Variants in PCDH11X observed in about 807,000 individuals in gnomAD.
The protein encoded by PCDH11X is protocadherin 11 X-linked.
In PCDH11X, 18 loss-of-function variants were observed where a neutral mutation model predicts 53.3. The observed-to-expected ratio is 0.34, with a 90% CI of 0.23 to 0.50. The LOEUF is 0.50. Among genes scored for constraint, PCDH11X ranks in the 20% least tolerant of loss-of-function variants. The probability of loss-of-function intolerance (pLI) is 0.98; values close to 1 mark genes in which losing one functional copy is unlikely to be tolerated. For missense variants in PCDH11X, 570 were observed against 1,032.4 expected, an observed-to-expected ratio of 0.55 and a Z score of 6.14; for synonymous variants, 279 against 393.3, an observed-to-expected ratio of 0.71 and a Z score of 3.44.
intron 6 of PCDH11X, among the ~76,000 whole-genome samples, chrX:91,972,306 T>C (rs1367646601): frequency 1.1e-5 from 1 of 94,651 alleles, no homozygotes; most frequent in Non-Finnish European, 2.1e-5. Flanking sequence ...TTTGTTTTTT[T>C]CTTGTAAATT....
chrX:92,207,219 G>A (rs1294172489), intron 7 of PCDH11X, among the ~76,000 whole-genome samples: 1 of 111,715 alleles, frequency 9.0e-6, no homozygotes, highest in South Asian at 3.7e-4. Flanking sequence ...GCAATACTTA[G>A]AGGAAGTAGA....
At chrX:91,815,970 A>C (rs36051906) in intron 4 of PCDH11X, among the ~76,000 whole-genome samples, 21,978 of 107,704 alleles carry the variant, frequency 0.2, 1,855 homozygotes, top group East Asian at 0.31. Flanking sequence ...TCTACCAAAA[A>C]TACAAAAATT....
intron 9 of PCDH11X, among the ~76,000 whole-genome samples, chrX:92,449,162 T>G (rs984689421): frequency 3.6e-5 from 4 of 112,020 alleles, no homozygotes; most frequent in African/African-American, 1.3e-4. Context: ...CTTGATGGAT[T>G]ACAATTATTA....
At chrX:91,820,833 T>G (rs1246157077) in intron 4 of PCDH11X, among the ~76,000 whole-genome samples, 2 of 101,816 alleles carry the variant, frequency 2.0e-5, no homozygotes, top group Non-Finnish European at 3.8e-5. Context: ...TTAATCCATC[T>G]TGAATTGATT....
At chrX:92,326,864 A>G (rs1724892238) in intron 8 of PCDH11X, among the ~76,000 whole-genome samples, 1 of 106,407 alleles carries the variant, frequency 9.4e-6, no homozygotes, top group Non-Finnish European at 1.9e-5. Flanking sequence ...AGAAAAATTC[A>G]CAGAAATTAT....
chrX:92,033,677 A>T (rs1254807006), intron 6 of PCDH11X, among the ~76,000 whole-genome samples: 1 of 108,700 alleles, frequency 9.2e-6, no homozygotes, highest in East Asian at 2.9e-4. Flanking sequence ...TTTGTCAATT[A>T]TGTCTTCAAA....
At chrX:92,314,573 A>T (rs2069032038) in intron 8 of PCDH11X, among the ~76,000 whole-genome samples, 1 of 111,835 alleles carries the variant, frequency 8.9e-6, no homozygotes, top group Admixed American at 9.6e-5. Context: ...CTATGCTTTT[A>T]TATGACTGGC....
chrX:92,539,720 TG>T (rs1489925208), intron 10 of PCDH11X, among the ~76,000 whole-genome samples: 1 of 111,945 alleles, frequency 8.9e-6, no homozygotes, highest in Non-Finnish European at 1.9e-5. Context: ...AATTTGAGCT[TG>T]TTTTATATCT....
chrX:92,276,813 G>T (rs1463426806), intron 8 of PCDH11X, among the ~76,000 whole-genome samples: 2 of 111,651 alleles, frequency 1.8e-5, no homozygotes, highest in Non-Finnish European at 3.8e-5. Flanking sequence ...AGGGTCTAGG[G>T]CTGTAAAGCT....
intron 7 of PCDH11X, among the ~76,000 whole-genome samples, chrX:92,218,967 G>T (rs1269851562): frequency 9.0e-6 from 1 of 111,499 alleles, no homozygotes; most frequent in Non-Finnish European, 1.9e-5. Context: ...CTCAATAGAT[G>T]CAGAAAAGGC....
At chrX:92,041,768 G>A (rs1473261885) in intron 6 of PCDH11X, among the ~76,000 whole-genome samples, 1 of 111,541 alleles carries the variant, frequency 9.0e-6, no homozygotes, top group Non-Finnish European at 1.9e-5. Context: ...TCAGGAGTTC[G>A]AGAGCAGCCT....
At chrX:92,038,881 C>T (rs1022952325) in intron 6 of PCDH11X, among the ~76,000 whole-genome samples, 2 of 109,870 alleles carry the variant, frequency 1.8e-5, no homozygotes, top group African/African-American at 6.6e-5. Context: ...TGAGACTTGC[C>T]TTTCCCCTTC....
At chrX:92,226,578 A>G (rs761892732) in intron 7 of PCDH11X, among the ~76,000 whole-genome samples, 6 of 112,023 alleles carry the variant, frequency 5.4e-5, no homozygotes, top group African/African-American at 1.6e-4. Flanking sequence ...AAGTTACAGT[A>G]AAATTAAACT....
At chrX:92,372,026 C>A (rs943143933) in intron 8 of PCDH11X, among the ~76,000 whole-genome samples, 2 of 110,434 alleles carry the variant, frequency 1.8e-5, no homozygotes, top group Non-Finnish European at 3.8e-5. Flanking sequence ...TGATTCCTAG[C>A]AACAGATAAC....
At chrX:92,069,727 G>T (rs1469426503) in intron 6 of PCDH11X, among the ~76,000 whole-genome samples, 2 of 111,246 alleles carry the variant, frequency 1.8e-5, no homozygotes, top group African/African-American at 6.5e-5. Context: ...TGTCACCCAG[G>T]CTGGAGTGCA....
chrX:92,573,980 G>T (rs1040714228), intron 10 of PCDH11X, among the ~76,000 whole-genome samples: 1 of 110,152 alleles, frequency 9.1e-6, no homozygotes, highest in African/African-American at 3.3e-5. Flanking sequence ...GGCTTTTCCC[G>T]GCAGAATTGT....
intron 6 of PCDH11X, among the ~76,000 whole-genome samples, chrX:91,969,553 C>T (rs1478875712): frequency 9.0e-6 from 1 of 110,848 alleles, no homozygotes; most frequent in Non-Finnish European, 1.9e-5. Flanking sequence ...AATGCCAACA[C>T]TTTGGGAGTC....
At chrX:92,395,555 G>A (rs1471791833) in intron 9 of PCDH11X, among the ~76,000 whole-genome samples, 1 of 110,599 alleles carries the variant, frequency 9.0e-6, no homozygotes, top group Non-Finnish European at 1.9e-5. Flanking sequence ...GGGATTATAC[G>A]AATCTCTAGT....
At chrX:92,125,724 G>A (rs977864810) in intron 6 of PCDH11X, among the ~76,000 whole-genome samples, 31 of 109,790 alleles carry the variant, frequency 2.8e-4, no homozygotes, top group East Asian at 2.8e-4. Context: ...ATGTATACAC[G>A]TGCCATGTTG....
Sources: allele counts gnomAD v4.1 joint callset (sites outside exome capture counted in the v4.1 genomes callset), GRCh38; gene constraint gnomAD v4.1.1; transcripts MANE v1.5; gene names NCBI Gene and HGNC (gene_info 2026-07-23, HGNC 2026-07-21).